The following MAP2K1 variants were observed in gnomAD, a reference collection of about 807,000 sequenced individuals.
MAP2K1 encodes dual specificity mitogen-activated protein kinase kinase 1.
MAP2K1 carries 16 observed loss-of-function variants against 46.3 expected under a neutral mutation model. The ratio of observed to expected loss-of-function variants is 0.35; its 90% confidence interval spans 0.23 to 0.52. The LOEUF (loss-of-function observed/expected upper bound fraction) is 0.52. Among genes scored for constraint, MAP2K1 ranks in the 20% least tolerant of loss-of-function variants. The probability of loss-of-function intolerance (pLI) is 0.94; values close to 1 mark genes in which losing one functional copy is unlikely to be tolerated. For synonymous variants in MAP2K1, 183 were observed against 185.6 expected (o/e 0.99, Z 0.11); for missense variants, 263 against 497.1 (o/e 0.53, Z 4.48).
rs769396453 is a variant in MAP2K1, at chr15:66,413,348, C to G, written c.81-21679C>G. On this transcript the variant is annotated intron_variant, in intron 1 of 10. Coordinates refer to ENST00000307102, the MANE Select transcript of MAP2K1 (RefSeq NM_002755.4). ...CTTGGTGCTTCAGCACTGCATTTTC[C>G]TCAGTGGGATTGGAACAAGCATTAA... 2.0e-5 allele frequency among the ~76,000 whole-genome samples: 3 copies of G among 152,268 alleles called. No homozygotes were observed. In the East Asian group the frequency reaches 5.8e-4, roughly 29 times the overall value.
At chr15:66,466,045 C>T (rs34647962) in intron 5 of MAP2K1, among the ~76,000 whole-genome samples, 1 of 152,118 alleles carries the variant, frequency 6.6e-6, no homozygotes, top group East Asian at 1.9e-4. Context: ...CTGGGCCTAT[C>T]AGAAAGTGAC....
chr15:66,425,024 A>T (rs2093454078), intron 1 of MAP2K1, among the ~76,000 whole-genome samples: 1 of 151,630 alleles, frequency 6.6e-6, no homozygotes, highest in African/African-American at 2.4e-5. Flanking sequence ...TCAAACTCCC[A>T]ACCTTAGGTG....
intron 5 of MAP2K1, among the ~76,000 whole-genome samples, chr15:66,468,813 C>T (rs1260406207): frequency 7.9e-5 from 12 of 151,412 alleles, no homozygotes; most frequent in African/African-American, 2.4e-5. Flanking sequence ...TGCCTGTAAT[C>T]CCAACTACTT....
At chr15:66,482,369 A>C (rs1055006919) in intron 6 of MAP2K1, among the ~76,000 whole-genome samples, 1 of 151,448 alleles carries the variant, frequency 6.6e-6, no homozygotes, top group Admixed American at 6.6e-5. Context: ...GTAGCTCCCA[A>C]CTCCTGAGAG....
At chr15:66,412,059 A>G (rs1365027187) in intron 1 of MAP2K1, among the ~76,000 whole-genome samples, 1 of 152,238 alleles carries the variant, frequency 6.6e-6, no homozygotes, top group Non-Finnish European at 1.5e-5. Context: ...CAAATTATTG[A>G]TGGAGGCTGC....
intron 1 of MAP2K1, among the ~76,000 whole-genome samples, chr15:66,426,540 G>C (rs2093459509): frequency 6.6e-6 from 1 of 152,136 alleles, no homozygotes; most frequent in Non-Finnish European, 1.5e-5. Context: ...GAGATTTCCT[G>C]CTCAGGTGCC....
At position 66,401,993 on chromosome 15, in the gene MAP2K1, A is replaced by G. The variant is rs1296063303; in HGVS notation, c.80+14566A>G. On this transcript the variant is annotated intron_variant, in intron 1 of 10. Transcript: ENST00000307102. Reference sequence around the variant, plus strand: ...GGTTCCAGGCTGAACATTTTGAAAAATCACATGCAAATTTTTCTTCCTTTC... The same window carrying G: ...GGTTCCAGGCTGAACATTTTGAAAAGTCACATGCAAATTTTTCTTCCTTTC... 3.7e-6 allele frequency: 5 copies of G among 1,338,224 alleles called. No homozygotes were observed. The Admixed American group carries it at 1.1e-4, about 30-fold the overall frequency. 82.9% of individuals were successfully genotyped at this position (1,338,224 alleles called of 1,614,324 possible). A position where few individuals can be genotyped will look rare whatever the true frequency, so the allele number is the denominator to read the frequency against.
chr15:66,437,506 C>T (rs2093491570), intron 3 of MAP2K1, among the ~76,000 whole-genome samples: 1 of 152,204 alleles, frequency 6.6e-6, no homozygotes, highest in Non-Finnish European at 1.5e-5. Flanking sequence ...GCTTTATTCT[C>T]CCTGGGCTGA....
chr15:66,428,011 C>G (rs182191020), intron 1 of MAP2K1, among the ~76,000 whole-genome samples: 2 of 152,132 alleles, frequency 1.3e-5, no homozygotes, highest in East Asian at 1.9e-4. Flanking sequence ...AAGACTCTGT[C>G]TCCAAAAAAA....
intron 1 of MAP2K1, among the ~76,000 whole-genome samples, chr15:66,426,147 T>C (rs2093457990): frequency 2.0e-5 from 3 of 151,184 alleles, no homozygotes; most frequent in African/African-American, 7.3e-5. Flanking sequence ...TTTTTCTTTT[T>C]TTTTTTTTTT....
At chr15:66,416,972 T>C (rs1359156414) in intron 1 of MAP2K1, among the ~76,000 whole-genome samples, 2 of 152,146 alleles carry the variant, frequency 1.3e-5, no homozygotes, top group Admixed American at 6.5e-5. Flanking sequence ...CAGCTGCACC[T>C]CTACATGCTG....
intron 5 of MAP2K1, among the ~76,000 whole-genome samples, chr15:66,468,403 G>A (rs1307538286): frequency 1.3e-5 from 2 of 152,114 alleles, no homozygotes; most frequent in Non-Finnish European, 2.9e-5. Flanking sequence ...AAATCAGATA[G>A]CAAAATTTAC....
At chr15:66,459,691 C>T (rs1892268235) in intron 5 of MAP2K1, among the ~76,000 whole-genome samples, 1 of 151,948 alleles carries the variant, frequency 6.6e-6, no homozygotes, top group Non-Finnish European at 1.5e-5. Context: ...CTCACGGTGT[C>T]CCAGTGACAG....
intron 4 of MAP2K1, among the ~76,000 whole-genome samples, chr15:66,444,437 G>T (rs1373499418): frequency 1.3e-5 from 2 of 152,044 alleles, no homozygotes; most frequent in African/African-American, 4.8e-5. Context: ...GGGGGCTGAG[G>T]CAGGAGAATC....
At chr15:66,489,688 C>CA (rs1893175235) in intron 9 of MAP2K1, 30 bp from the exon 10 acceptor site, 1 of 1,586,172 alleles carries the variant, frequency 6.3e-7, no homozygotes, top group African/African-American at 1.3e-5. Context: ...TGCCAGGCAA[C>CA]AGCTCTTACC....
rs1461381065 is a variant in MAP2K1 at position 66,420,721 on chromosome 15, A to ATATATGTATATATATG, written c.81-14305_81-14304insATATGTATATATATGT. Among the ~76,000 whole-genome samples, 2 of 29,702 alleles carry ATATATGTATATATATG rather than the reference A, an allele frequency of 6.7e-5. 1 individual carries two copies. The highest frequency in any genetic ancestry group is 2.4e-4 in the African/African-American group (2 of 8,480). 19.5% of individuals were successfully genotyped at this position (29,702 alleles called of 152,430 possible). ...TTACTCTTGGCATATATATATATAT[A>ATATATGTATATATATG]TGTGTGTGTGTGTGTGTGTGTGTGT... On this transcript the variant is annotated intron_variant, in intron 1 of 10. Coordinates refer to ENST00000307102, the MANE Select transcript of MAP2K1 (RefSeq NM_002755.4).
At chr15:66,486,857 C>T (rs541147395) in intron 7 of MAP2K1, among the ~76,000 whole-genome samples, 35 of 152,250 alleles carry the variant, frequency 2.3e-4, no homozygotes, top group Admixed American at 1.3e-3. Context: ...AAGGAAGAAA[C>T]GCAACTTCAT....
Position 66,448,151 on chromosome 15 carries a change from T to TC in MAP2K1, c.568+3445dup, listed in dbSNP as rs1891925383. ...CTGGGCAGCAGAGCAAGACTCCATC[T>TC]CAAAAAAAAAAAAAAAAAAAAACCC... On this transcript the variant is annotated intron_variant, in intron 5 of 10. Transcript: ENST00000307102. Among the ~76,000 whole-genome samples the TC allele has an allele frequency of 1.0e-3, 11 of 10,520 alleles. No homozygotes were observed. In the South Asian group the frequency reaches 0.04, roughly 39 times the overall value. The allele number at this position is 10,520 out of a possible 152,430, so 6.9% of individuals were successfully genotyped here. A position where few individuals can be genotyped will look rare whatever the true frequency, so the allele number is the denominator to read the frequency against.
At chr15:66,489,315 G>C in intron 9 of MAP2K1, 39 bp downstream of exon 9, 1 of 1,574,466 alleles carries the variant, frequency 6.4e-7, no homozygotes, top group Non-Finnish European at 8.7e-7. Flanking sequence ...GTATACTCTG[G>C]ATTTGTCAGG....
Sources: allele counts gnomAD v4.1 joint callset (sites outside exome capture counted in the v4.1 genomes callset), GRCh38; gene constraint gnomAD v4.1.1; transcripts MANE v1.5; gene names NCBI Gene and HGNC (gene_info 2026-07-23, HGNC 2026-07-21).